RAP1GAP2: variants seen among roughly 807,000 people sequenced by gnomAD.
The protein encoded by RAP1GAP2 is RAP1 GTPase activating protein 2.
RAP1GAP2 carries 27 observed loss-of-function variants against 95.0 expected under a neutral mutation model. That is an observed-to-expected ratio of 0.28 (90% CI 0.21 to 0.39). The LOEUF is 0.39. Ranked by LOEUF, RAP1GAP2 falls within the 10% of genes least tolerant of loss-of-function variation. The pLI is 1.00. For missense variants in RAP1GAP2, 771 were observed against 970.0 expected (o/e 0.79, Z 2.72); for synonymous variants, 373 against 380.9 (o/e 0.98, Z 0.24).
chr17:2,973,094 A>G (rs1318155824), intron 8 of RAP1GAP2, among the ~76,000 whole-genome samples: 1 of 152,124 alleles, frequency 6.6e-6, no homozygotes, highest in Non-Finnish European at 1.5e-5. Flanking sequence ...AGGGTTGATA[A>G]ATGATGCTAG....
At chr17:2,757,318 A>G (rs917119144) in intron 1 of RAP1GAP2, among the ~76,000 whole-genome samples, 3 of 151,944 alleles carry the variant, frequency 2.0e-5, no homozygotes, top group Admixed American at 1.3e-4. Flanking sequence ...GTGGGATTTC[A>G]CCATATTGTC....
intron 8 of RAP1GAP2, among the ~76,000 whole-genome samples, chr17:2,968,258 G>T (rs2044703549): frequency 1.3e-5 from 2 of 152,044 alleles, no homozygotes; most frequent in South Asian, 4.1e-4. Context: ...TGGACAAAAA[G>T]AATTTTAAAT....
intron 2 of RAP1GAP2, among the ~76,000 whole-genome samples, chr17:2,881,103 A>G (rs2073269147): frequency 6.6e-6 from 1 of 152,092 alleles, no homozygotes; most frequent in Non-Finnish European, 1.5e-5. Flanking sequence ...TCTACTAAAA[A>G]TGCAAAAATT....
chr17:2,764,518 T>C (rs1186038802), intron 1 of RAP1GAP2, among the ~76,000 whole-genome samples: 2 of 152,142 alleles, frequency 1.3e-5, no homozygotes, highest in African/African-American at 2.4e-5. Context: ...GTCAGGGGTT[T>C]GAGACCAGCC....
Position 2,904,903 on chromosome 17 carries a change from C to T in RAP1GAP2, c.81-381C>T, listed in dbSNP as rs779303946. Among the ~76,000 whole-genome samples, 16 of 151,676 alleles carry T rather than the reference C, an allele frequency of 1.1e-4. No individual in the cohort carries two copies. Among genetic ancestry groups the T allele is most frequent in the Non-Finnish European group, 1.9e-4 (13 of 67,948 alleles). On this transcript the variant is annotated intron_variant, in intron 2 of 24. Transcript: ENST00000254695. This position sits in a 1 kb window ranked among gnomAD's most constrained non-coding sequence, Gnocchi z 4.7. ...TTGTATTTTTTTTTTTAATTGGAAA[C>T]GGAGTTTCATTCTTGTTGCCCAGGC...
At chr17:2,788,362 C>T (rs947280756) in intron 1 of RAP1GAP2, among the ~76,000 whole-genome samples, 1 of 152,182 alleles carries the variant, frequency 6.6e-6, no homozygotes, top group Non-Finnish European at 1.5e-5. Context: ...GTGGCACAAT[C>T]TCAGCTCACT....
chr17:2,837,253 G>GAA (rs35688344), intron 2 of RAP1GAP2, among the ~76,000 whole-genome samples: 8 of 112,748 alleles, frequency 7.1e-5, no homozygotes, highest in Admixed American at 9.3e-5. Flanking sequence ...TCTGTCTCTG[G>GAA]AAAAAAAAAA....
intron 9 of RAP1GAP2, 53 bp downstream of exon 9, chr17:2,980,418 G>A (rs1193555452): frequency 5.1e-6 from 8 of 1,574,004 alleles, no homozygotes; most frequent in Middle Eastern, 1.8e-4. Context: ...CCCAGGGCTG[G>A]CCTCTGGAAT....
At position 2,811,378 on chromosome 17, in the gene RAP1GAP2, G is replaced by A. The variant is rs532684230; in HGVS notation, c.80+10828G>A. The stretch of plus-strand genomic sequence containing the variant: ...GACAACACAGAGGTGGTCAGGGCAG[G>A]GTCGGGACGTGAGGGGCTGCTCTTG... On this transcript the variant is annotated intron_variant, in intron 2 of 24. Transcript: ENST00000254695. Among the ~76,000 whole-genome samples, 7 of 152,324 alleles carry A rather than the reference G, an allele frequency of 4.6e-5. No individual in the cohort carries two copies. The South Asian group carries it at 1.4e-3, about 32-fold the overall frequency.
intron 1 of RAP1GAP2, among the ~76,000 whole-genome samples, chr17:2,787,540 G>C (rs1319904912): frequency 6.6e-6 from 1 of 152,080 alleles, no homozygotes; most frequent in African/African-American, 2.4e-5. Flanking sequence ...ACAGGTGTGA[G>C]TCACCACACG....
At chr17:2,975,922 A>G (rs2045098296) in intron 8 of RAP1GAP2, among the ~76,000 whole-genome samples, 1 of 152,216 alleles carries the variant, frequency 6.6e-6, no homozygotes, top group African/African-American at 2.4e-5. Context: ...CTGGGCAGGG[A>G]AAGAGTCCTT....
At chr17:2,985,555 A>G (rs1457018766) in intron 11 of RAP1GAP2, among the ~76,000 whole-genome samples, 1 of 152,184 alleles carries the variant, frequency 6.6e-6, no homozygotes, top group Non-Finnish European at 1.5e-5. Context: ...AAGTATTTAC[A>G]CTATGGAAAT....
chr17:3,022,063 C>A (rs1474076864), intron 19 of RAP1GAP2, among the ~76,000 whole-genome samples: 1 of 152,214 alleles, frequency 6.6e-6, no homozygotes, highest in Non-Finnish European at 1.5e-5. Context: ...AACCTCCAAA[C>A]ACTGTAGTGT....
At chr17:3,009,266 C>A (rs1047809890) in intron 17 of RAP1GAP2, among the ~76,000 whole-genome samples, 3 of 152,130 alleles carry the variant, frequency 2.0e-5, no homozygotes, top group Non-Finnish European at 2.9e-5. Context: ...AGTAAATGCT[C>A]AAAAATGTCA....
intron 2 of RAP1GAP2, among the ~76,000 whole-genome samples, chr17:2,833,557 G>A (rs896186507): frequency 2.7e-4 from 41 of 151,948 alleles, no homozygotes; most frequent in African/African-American, 8.7e-4. Context: ...GGGTGTGTTG[G>A]CGGGCGCCTG....
chr17:2,829,337 A>C (rs2070732000), intron 2 of RAP1GAP2, among the ~76,000 whole-genome samples: 1 of 152,114 alleles, frequency 6.6e-6, no homozygotes, highest in South Asian at 2.1e-4. Flanking sequence ...ACTTAGGATC[A>C]GGAAGGTGCT....
intron 3 of RAP1GAP2, among the ~76,000 whole-genome samples, chr17:2,954,427 C>T (rs963929278): frequency 1.3e-5 from 2 of 151,756 alleles, no homozygotes; most frequent in South Asian, 2.1e-4. Flanking sequence ...TTTGTGTGGA[C>T]GTGTATTTTC....
At chr17:3,031,555 G>A (rs1597919363) in intron 23 of RAP1GAP2, among the ~76,000 whole-genome samples, 1 of 148,412 alleles carries the variant, frequency 6.7e-6, no homozygotes, top group Non-Finnish European at 1.5e-5. Flanking sequence ...CCAGATGTGA[G>A]GTGGGAAGGG....
intron 3 of RAP1GAP2, among the ~76,000 whole-genome samples, chr17:2,928,847 C>T (rs1181750599): frequency 6.6e-6 from 1 of 152,068 alleles, no homozygotes; most frequent in Non-Finnish European, 1.5e-5. Flanking sequence ...GTTATAGCCT[C>T]AGCCTCATGC....
Sources: allele counts gnomAD v4.1 joint callset (sites outside exome capture counted in the v4.1 genomes callset), GRCh38; gene constraint gnomAD v4.1.1; non-coding constraint Gnocchi (gnomAD v3.1); transcripts MANE v1.5; gene names NCBI Gene and HGNC (gene_info 2026-07-23, HGNC 2026-07-21).